Variants in DSCAM observed in about 807,000 individuals in gnomAD.
DSCAM encodes the protein DS cell adhesion molecule.
In DSCAM, 47 loss-of-function variants were observed where a neutral mutation model predicts 217.7. The observed-to-expected ratio is 0.22, with a 90% confidence interval of 0.17 to 0.28. The LOEUF (loss-of-function observed/expected upper bound fraction) is 0.28, where lower values mean the gene tolerates loss of function less well. Among genes scored for constraint, DSCAM ranks in the 10% least tolerant of loss-of-function variants. The probability of loss-of-function intolerance (pLI) is 1.00; values close to 1 mark genes in which losing one functional copy is unlikely to be tolerated. For missense variants in DSCAM, 2,080 were observed against 2,618.3 expected (o/e 0.79, Z 4.49); for synonymous variants, 1,056 against 1,015.3 (o/e 1.04, Z -0.76).
At chr21:40,516,123 C>A (rs2076297433) in intron 3 of DSCAM, among the ~76,000 whole-genome samples, 1 of 128,436 alleles carries the variant, frequency 7.8e-6, no homozygotes, top group South Asian at 2.7e-4. Context: ...CCCCACCATA[C>A]ACACACACAC....
At chr21:40,238,370 A>T (rs2073105588) in intron 11 of DSCAM, among the ~76,000 whole-genome samples, 1 of 152,204 alleles carries the variant, frequency 6.6e-6, no homozygotes, top group South Asian at 2.1e-4. Flanking sequence ...GGCTCATGAG[A>T]ATCTCCTCTT....
At chr21:40,259,276 C>CTT (rs34049418) in intron 11 of DSCAM, among the ~76,000 whole-genome samples, 6 of 119,766 alleles carry the variant, frequency 5.0e-5, no homozygotes, top group East Asian at 4.9e-4. Flanking sequence ...TTAATGAACT[C>CTT]TTTTTTTTTT....
chr21:40,845,567 C>CTG (rs1555894722), intron 1 of DSCAM, among the ~76,000 whole-genome samples: 1 of 149,500 alleles, frequency 6.7e-6, no homozygotes, highest in African/African-American at 2.5e-5. Flanking sequence ...CTCTCTCTCT[C>CTG]TCTGTCTCTG....
At chr21:40,349,758 C>T (rs949859305) in intron 5 of DSCAM, among the ~76,000 whole-genome samples, 1 of 152,082 alleles carries the variant, frequency 6.6e-6, no homozygotes, top group African/African-American at 2.4e-5. Flanking sequence ...CCTACAGTTA[C>T]AGATTTTTAA....
chr21:40,251,245 A>G (rs1379522210), intron 11 of DSCAM, among the ~76,000 whole-genome samples: 2 of 152,248 alleles, frequency 1.3e-5, no homozygotes, highest in Admixed American at 6.5e-5. Flanking sequence ...ATACTGAGTA[A>G]CACAGAAAAA....
intron 1 of DSCAM, among the ~76,000 whole-genome samples, chr21:40,712,469 CAAAAAAAAAAA>C (rs571819417): frequency 1.5e-4 from 4 of 27,332 alleles, no homozygotes; most frequent in Non-Finnish European, 2.5e-4. Context: ...GACTCCGTCT[CAAAAAAAAAAA>C]AAAAAAAAAA....
At chr21:40,240,199 G>A (rs751188012) in intron 11 of DSCAM, among the ~76,000 whole-genome samples, 54 of 152,058 alleles carry the variant, frequency 3.6e-4, no homozygotes, top group Non-Finnish European at 7.1e-4. Flanking sequence ...AAGCCCTCCC[G>A]ATTAACATTC....
intron 31 of DSCAM, among the ~76,000 whole-genome samples, chr21:40,043,115 T>C (rs1034867927): frequency 2.0e-5 from 3 of 152,146 alleles, no homozygotes; most frequent in Non-Finnish European, 4.4e-5. Flanking sequence ...GATGTGATGA[T>C]ATTTAGAAAT....
In DSCAM at chr21:40,514,312, G is replaced by A. The variant is rs114272201; in HGVS notation, c.509-145067C>T. Among the ~76,000 whole-genome samples, 408 of 152,208 alleles carry A rather than the reference G, an allele frequency of 2.7e-3. 2 individuals carry two copies. Among genetic ancestry groups the A allele is most frequent in the African/African-American group, 9.5e-3 (393 of 41,520 alleles). ...TCACTGAGCCAGGGAGCCATCCAAT[G>A]CTTCATCATCCCAGGGAAAATGAAC... On this transcript the variant is annotated intron_variant, in intron 3 of 32. Coordinates refer to ENST00000400454, the MANE Select transcript of DSCAM (RefSeq NM_001389.5).
intron 3 of DSCAM, among the ~76,000 whole-genome samples, chr21:40,490,790 A>C (rs980998085): frequency 2.6e-5 from 4 of 152,246 alleles, no homozygotes; most frequent in African/African-American, 7.2e-5. Flanking sequence ...ATGTGTCAGT[A>C]TAAACACCAG....
intron 1 of DSCAM, among the ~76,000 whole-genome samples, chr21:40,722,318 C>T (rs2090910304): frequency 6.6e-6 from 1 of 151,910 alleles, no homozygotes; most frequent in Non-Finnish European, 1.5e-5. Flanking sequence ...ACTGTTAAGG[C>T]AATAATAATG....
chr21:40,761,556 A>AG (rs1387600153), intron 1 of DSCAM, among the ~76,000 whole-genome samples: 1 of 152,182 alleles, frequency 6.6e-6, no homozygotes, highest in Non-Finnish European at 1.5e-5. Context: ...CAGAAAAAAA[A>AG]CAACCCTGTT....
chr21:40,304,490 C>A (rs1391110179), intron 9 of DSCAM, among the ~76,000 whole-genome samples: 1 of 152,220 alleles, frequency 6.6e-6, no homozygotes, highest in Non-Finnish European at 1.5e-5. Context: ...TCATTGCCCT[C>A]AAGAACTTTT....
chr21:40,177,546 A>T (rs1350445309), intron 15 of DSCAM, among the ~76,000 whole-genome samples: 1 of 152,232 alleles, frequency 6.6e-6, no homozygotes, highest in South Asian at 2.1e-4. Flanking sequence ...CTGATTACAG[A>T]TATCAGAAGG....
rs994959581 is a variant in DSCAM, at chr21:40,051,966, G to A, written c.5177C>T (p.Pro1726Leu). 1.2e-6 allele frequency: 2 copies of A among 1,612,288 alleles called. No individual in the cohort carries two copies. Among genetic ancestry groups the A allele is most frequent in the Admixed American group, 1.7e-5 (1 of 59,610 alleles). ...GPLVDVSDAR[P>L]GTNPTTRRNA... ...CATTGTTGACCACTCACTCGTTCCC[G>A]GCCGAGCGTCTGAAACATCCACTAA... The change falls in exon 30 of 33, where the codon CCG becomes CTG. Residue 1726 changes from proline to leucine, a missense_variant. Physicochemically the swap from Pro to Leu is moderately conservative, Grantham distance 98. This residue lies in a region of DSCAM where 1,144 missense variants were observed against 1,421.1 expected (regional missense o/e 0.81). Transcript: ENST00000400454.
chr21:40,702,067 A>G (rs1229811773), intron 2 of DSCAM, among the ~76,000 whole-genome samples: 2 of 152,142 alleles, frequency 1.3e-5, no homozygotes, highest in African/African-American at 4.8e-5. Context: ...TCTGATTCTC[A>G]TTGCAGTTCT....
At chr21:40,622,576 C>G (rs1224488204) in intron 3 of DSCAM, among the ~76,000 whole-genome samples, 1 of 152,160 alleles carries the variant, frequency 6.6e-6, no homozygotes, top group African/African-American at 2.4e-5. Flanking sequence ...TTTCCTAGCT[C>G]CCTCACTGAA....
intron 11 of DSCAM, among the ~76,000 whole-genome samples, chr21:40,208,599 C>G (rs548096706): frequency 1.3e-5 from 2 of 152,270 alleles, no homozygotes; most frequent in Non-Finnish European, 2.9e-5. Context: ...CTCACATGGT[C>G]AGGAGTTCTT....
chr21:40,683,698 T>A (rs2090441867), intron 3 of DSCAM, among the ~76,000 whole-genome samples: 1 of 152,048 alleles, frequency 6.6e-6, no homozygotes, highest in Non-Finnish European at 1.5e-5. Flanking sequence ...CAGCTCTTCC[T>A]GTGGGAGAGA....
Sources: allele counts gnomAD v4.1 joint callset (sites outside exome capture counted in the v4.1 genomes callset), GRCh38; gene constraint gnomAD v4.1.1; regional missense constraint gnomAD v4.1.1; transcripts MANE v1.5; gene names NCBI Gene and HGNC (gene_info 2026-07-23, HGNC 2026-07-21).